Variants in LRP5 observed in about 807,000 individuals in gnomAD.
LRP5 encodes the protein low-density lipoprotein receptor-related protein 5.
Under a neutral mutation model 154.1 loss-of-function variants are expected in LRP5, and 62 were observed. The ratio of observed to expected loss-of-function variants is 0.40; its 90% confidence interval spans 0.33 to 0.50. The LOEUF is 0.50. Ranked by LOEUF, LRP5 falls within the 20% of genes least tolerant of loss-of-function variation. The pLI, the probability that LRP5 is intolerant of heterozygous loss-of-function variation, is 0.55. For synonymous variants in LRP5, 966 were observed against 1,011.5 expected (o/e 0.96, Z 0.85); for missense variants, 1,915 against 2,336.7 (o/e 0.82, Z 3.72).
chr11:68,353,440 G>C lies in LRP5; in HGVS notation c.489-4210G>C, dbSNP rs538932700. ...CCTGTAGGCTCCATGTCTCCGGAGA[G>C]GGAGAGGGAGAGGGAGAGGATTCCA... On this transcript the variant is annotated intron_variant, in intron 2 of 22. Coordinates refer to ENST00000294304, the MANE Select transcript of LRP5 (RefSeq NM_002335.4). This position sits in a 1 kb window ranked among gnomAD's most constrained non-coding sequence, Gnocchi z 4.5. 1.4e-5 allele frequency among the ~76,000 whole-genome samples: 2 copies of C among 144,838 alleles called. No individual in the cohort carries two copies. Among genetic ancestry groups the C allele is most frequent in the African/African-American group, 5.7e-5 (2 of 35,302 alleles).
Position 68,439,849 on chromosome 11 carries a change from A to T in LRP5, c.4421A>T (p.Asp1474Val). ...MGGRGGVPLY[D>V]RNHVTGASSS... ...GGCCGGGGCGGGGTGCCCCTCTACG[A>T]CCGGAACCACGTCACAGGGGCCTCG... The change falls in exon 21 of 23, where the codon GAC (aspartate) becomes GTC (valine). Residue 1474 changes from aspartate to valine, a missense_variant. Coordinates refer to ENST00000294304, the MANE Select transcript of LRP5 (RefSeq NM_002335.4). 6.2e-7 allele frequency: 1 copy of T among 1,600,570 alleles called. No homozygotes were observed. The highest frequency in any genetic ancestry group is 8.5e-7 in the Non-Finnish European group (1 of 1,174,558).
upstream of LRP5, among the ~76,000 whole-genome samples, chr11:68,307,800 A>G (rs546202793): frequency 2.0e-5 from 3 of 152,372 alleles, no homozygotes; most frequent in South Asian, 6.2e-4. Flanking sequence ...CCTGGGTGAG[A>G]CAGCTAGACA....
intron 13 of LRP5, among the ~76,000 whole-genome samples, chr11:68,422,485 T>C (rs1017154118): frequency 6.6e-6 from 1 of 152,160 alleles, no homozygotes; most frequent in Non-Finnish European, 1.5e-5. Flanking sequence ...CCGCAGGCAG[T>C]AGGCTTCTGG....
chr11:68,327,790 C>T (rs767961346), intron 1 of LRP5, among the ~76,000 whole-genome samples: 16 of 152,174 alleles, frequency 1.1e-4, no homozygotes, highest in Non-Finnish European at 1.6e-4. Context: ...AGGTTTCCCC[C>T]GGACGGAATG....
intron 5 of LRP5, among the ~76,000 whole-genome samples, chr11:68,382,888 T>C (rs2098641036): frequency 6.6e-6 from 1 of 151,996 alleles, no homozygotes; most frequent in Non-Finnish European, 1.5e-5. Flanking sequence ...ATGATTTTTT[T>C]TTTTTTCGAG....
At chr11:68,361,362 C>T (rs143282935) in intron 3 of LRP5, among the ~76,000 whole-genome samples, 2,379 of 150,326 alleles carry the variant, frequency 0.016, 63 homozygotes, top group African/African-American at 0.054. Context: ...TAAGGCCGGG[C>T]GTGGTGGCTC....
At chr11:68,312,826 C>A in intron 1 of LRP5, 21 bp downstream of exon 1, 1 of 1,024,494 alleles carries the variant, frequency 9.8e-7, no homozygotes, top group Non-Finnish European at 1.2e-6. Context: ...GCAGGCCGGC[C>A]GGGGGCCGCG....
rs1435940298 is a variant in LRP5 at position 68,421,040 on chromosome 11, C to T, written c.3028-2449C>T. On this transcript the variant is annotated intron_variant, in intron 13 of 22. Coordinates refer to ENST00000294304, the MANE Select transcript of LRP5 (RefSeq NM_002335.4). ...AGGAGATCAAGACCATCCTGGCCAA[C>T]ATGGTGAAACCCCGTCTCTACTAAA... Among the ~76,000 whole-genome samples the T allele has an allele frequency of 3.3e-5, 5 of 152,190 alleles. No individual in the cohort carries two copies. In the East Asian group the frequency reaches 9.6e-4, roughly 29 times the overall value.
chr11:68,299,125 AG>A, the LRP5 span, among the ~76,000 whole-genome samples: 1 of 152,146 alleles, frequency 6.6e-6, no homozygotes, highest in Non-Finnish European at 1.5e-5. Context: ...GGACGTCCCA[AG>A]TCCATGCACA....
At chr11:68,307,350 A>G in the LRP5 span, among the ~76,000 whole-genome samples, 1 of 151,878 alleles carries the variant, frequency 6.6e-6, no homozygotes, top group Non-Finnish European at 1.5e-5. Flanking sequence ...TTAAAGTGCT[A>G]AAATTACAGG....
At chr11:68,384,751 CG>C (rs1182570618) in intron 5 of LRP5, among the ~76,000 whole-genome samples, 1 of 151,998 alleles carries the variant, frequency 6.6e-6, no homozygotes, top group Non-Finnish European at 1.5e-5. Context: ...GGGTGGGCCA[CG>C]GGGGTTCAGA....
At chr11:68,351,006 G>A (rs1410094483) in intron 2 of LRP5, among the ~76,000 whole-genome samples, 3 of 152,286 alleles carry the variant, frequency 2.0e-5, no homozygotes, top group South Asian at 2.1e-4. Context: ...ATGAGTGTGC[G>A]CATGTGACTG....
chr11:68,398,606 C>T (rs1445814468), intron 7 of LRP5, among the ~76,000 whole-genome samples: 1 of 151,786 alleles, frequency 6.6e-6, no homozygotes, highest in African/African-American at 2.4e-5. Context: ...TGTTTTCACA[C>T]CATGCTCAAG....
chr11:68,322,881 C>G (rs1340351105), intron 1 of LRP5, among the ~76,000 whole-genome samples: 1 of 152,184 alleles, frequency 6.6e-6, no homozygotes, highest in Non-Finnish European at 1.5e-5. Context: ...TGTGGGAAAC[C>G]CAGTGTACCC....
rs1565083610 is a variant in LRP5 at position 68,406,715 on chromosome 11, A to G, written c.1993A>G (p.Asn665Asp). The G allele has an allele frequency of 2.5e-6, 4 of 1,613,976 alleles. No homozygotes were observed. Among genetic ancestry groups the G allele is most frequent in the East Asian group, 2.2e-5 (1 of 44,892 alleles). Residue 665 changes from asparagine to aspartate, a missense_variant, in exon 9 of 23, where the codon AAC (asparagine) becomes GAC (aspartate). Around this residue, in one of 3 missense-constraint regions of LRP5, gnomAD observed 773 missense variants for 1,100.9 expected, o/e 0.70. Transcript: ENST00000294304. ...IHRISLETNNNDVAIPLTGVK... is the reference protein window; with the variant it reads ...IHRISLETNNDDVAIPLTGVK... ...CAGGATCTCCCTCGAGACCAATAACAACGACGTGGCCATCCCGCTCACGGG... is the reference window on the plus strand; with the variant it reads ...CAGGATCTCCCTCGAGACCAATAACGACGACGTGGCCATCCCGCTCACGGG...
intron 21 of LRP5, among the ~76,000 whole-genome samples, chr11:68,441,016 C>T (rs1219986222): frequency 6.6e-6 from 1 of 152,202 alleles, no homozygotes; most frequent in Non-Finnish European, 1.5e-5. Flanking sequence ...GATCCGCCCA[C>T]CTTGGCCTCC....
chr11:68,333,805 A>G (rs2098604194), intron 1 of LRP5, among the ~76,000 whole-genome samples: 1 of 152,198 alleles, frequency 6.6e-6, no homozygotes, highest in Non-Finnish European at 1.5e-5. Flanking sequence ...ACTGCAGTAG[A>G]TGTTCACGGA....
chr11:68,409,241 A>G, intron 9 of LRP5, among the ~76,000 whole-genome samples: 1 of 140,730 alleles, frequency 7.1e-6, no homozygotes, highest in South Asian at 2.1e-4. Flanking sequence ...AATATATATT[A>G]TATAATATAT....
chr11:68,422,491 T>C (rs2098666340), intron 13 of LRP5, among the ~76,000 whole-genome samples: 1 of 152,162 alleles, frequency 6.6e-6, no homozygotes, highest in Non-Finnish European at 1.5e-5. Context: ...GCAGTAGGCT[T>C]CTGGGCTGTC....
Sources: gnomAD v4.1 joint callset for allele counts (sites outside exome capture counted in the v4.1 genomes callset) on GRCh38, gnomAD v4.1.1 for gene constraint, gnomAD v4.1.1 regional missense constraint, Gnocchi (gnomAD v3.1) non-coding constraint, MANE v1.5 for transcripts, NCBI Gene and HGNC (gene_info 2026-07-23, HGNC 2026-07-21) for gene names.